TBPL1: variants seen among roughly 807,000 people sequenced by gnomAD.
TBPL1 encodes TATA box-binding protein-like 1.
TBPL1 carries 4 observed loss-of-function variants against 22.1 expected under a neutral mutation model. The observed-to-expected ratio is 0.18, with a 90% confidence interval of 0.09 to 0.41. The LOEUF is 0.41. TBPL1 is among the 10% of genes least tolerant of loss of function. The pLI, the probability that TBPL1 is intolerant of heterozygous loss-of-function variation, is 1.00. For synonymous variants in TBPL1, 64 were observed against 71.0 expected (o/e 0.90, Z 0.50); for missense variants, 115 against 222.3 (o/e 0.52, Z 3.07).
At chr6:133,955,640 G>T (rs1005518070) in intron 1 of TBPL1, among the ~76,000 whole-genome samples, 2 of 152,060 alleles carry the variant, frequency 1.3e-5, no homozygotes, top group Admixed American at 6.5e-5. Context: ...ATTAAAATAA[G>T]GTATATTAAA....
In TBPL1 at chr6:133,953,405, C is replaced by T. The variant is rs1405905953; in HGVS notation, c.-65C>T. The T allele has an allele frequency of 6.5e-6, 1 of 152,942 alleles. No individual in the cohort carries two copies. Among genetic ancestry groups the T allele is most frequent in the African/African-American group, 2.4e-5 (1 of 41,444 alleles). The allele number at this position is 152,942 out of a possible 1,614,324, so 9.5% of individuals were successfully genotyped here. On this transcript the variant is annotated 5_prime_UTR_variant, in exon 1 of 7. Transcript: ENST00000237264. Reference sequence around the variant, plus strand: ...AGCAGCGCTGCCGCCGCGTCCTCAGCCACCGCTCCCTCTTCCCACGGTAAC... The same window carrying T: ...AGCAGCGCTGCCGCCGCGTCCTCAGTCACCGCTCCCTCTTCCCACGGTAAC...
chr6:133,964,369 TA>T (rs1776080575), intron 1 of TBPL1, among the ~76,000 whole-genome samples: 5 of 152,030 alleles, frequency 3.3e-5, no homozygotes. Flanking sequence ...ATGTTTGTTT[TA>T]AGTATATTTT....
chr6:133,985,339 C>CAA (rs1776500434), intron 6 of TBPL1, among the ~76,000 whole-genome samples: 1 of 94,226 alleles, frequency 1.1e-5, no homozygotes, highest in Non-Finnish European at 2.0e-5. Flanking sequence ...TATATATATA[C>CAA]ACACATATAT....
chr6:133,967,463 G>C (rs919959511), intron 1 of TBPL1, among the ~76,000 whole-genome samples: 4 of 152,194 alleles, frequency 2.6e-5, no homozygotes, highest in Admixed American at 6.5e-5. Context: ...TAGTAATATA[G>C]TCATGCATCG....
At chr6:133,984,071 C>G (rs1776464814) in intron 4 of TBPL1, among the ~76,000 whole-genome samples, 1 of 152,090 alleles carries the variant, frequency 6.6e-6, no homozygotes, top group Admixed American at 6.5e-5. Context: ...ACTATTCTCT[C>G]TCCTTTCTCA....
At chr6:133,974,092 A>G (rs1041588454) in intron 1 of TBPL1, among the ~76,000 whole-genome samples, 2 of 151,778 alleles carry the variant, frequency 1.3e-5, no homozygotes, top group Admixed American at 1.3e-4. Context: ...ATGTAAGTGC[A>G]TATGTAGATA....
At position 133,961,349 on chromosome 6, in the gene TBPL1, T is replaced by C. The variant is rs113581232; in HGVS notation, c.-45+7924T>C. Among the ~76,000 whole-genome samples the C allele has an allele frequency of 1.5e-3, 231 of 152,276 alleles. 1 individual carries two copies. The highest frequency in any genetic ancestry group is 5.1e-3 in the African/African-American group (211 of 41,566). On this transcript the variant is annotated intron_variant, in intron 1 of 6. Transcript: ENST00000237264. ...GTGTCTGCAGTTCAGTAGACACTTA[T>C]AACACCAACAGTACCATTCATTTGC...
At chr6:133,959,291 C>T (rs1775979104) in intron 1 of TBPL1, among the ~76,000 whole-genome samples, 1 of 152,186 alleles carries the variant, frequency 6.6e-6, no homozygotes, top group Non-Finnish European at 1.5e-5. Context: ...CTGCCTGTCT[C>T]AGCCTCCCGG....
intron 1 of TBPL1, among the ~76,000 whole-genome samples, chr6:133,973,926 G>A (rs951516381): frequency 1.4e-5 from 2 of 147,706 alleles, no homozygotes; most frequent in Non-Finnish European, 3.0e-5. Context: ...ATCAGAATGG[G>A]AACAACTATT....
chr6:133,962,241 G>C (rs886839170), intron 1 of TBPL1, among the ~76,000 whole-genome samples: 4 of 152,164 alleles, frequency 2.6e-5, no homozygotes, highest in African/African-American at 4.8e-5. Flanking sequence ...CATTCTAAGA[G>C]AGCCAAGAGA....
chr6:133,973,036 AG>A (rs1047765504), intron 1 of TBPL1, among the ~76,000 whole-genome samples: 1 of 152,232 alleles, frequency 6.6e-6, no homozygotes, highest in Non-Finnish European at 1.5e-5. Flanking sequence ...CAGATACGAA[AG>A]AACATCGTTC....
chr6:133,968,558 G>A (rs920385790), intron 1 of TBPL1, among the ~76,000 whole-genome samples: 1 of 152,166 alleles, frequency 6.6e-6, no homozygotes, highest in African/African-American at 2.4e-5. Context: ...AAACAATCAT[G>A]AGAGGTAAAT....
chr6:133,960,738 A>G (rs911057538), intron 1 of TBPL1, among the ~76,000 whole-genome samples: 3 of 152,184 alleles, frequency 2.0e-5, no homozygotes, highest in Non-Finnish European at 2.9e-5. Flanking sequence ...TGAATGGTTG[A>G]TATCTTGGAA....
intron 1 of TBPL1, among the ~76,000 whole-genome samples, chr6:133,954,320 G>A (rs988304016): frequency 1.3e-5 from 2 of 152,200 alleles, no homozygotes; most frequent in Admixed American, 1.3e-4. Context: ...AAGGGAGCAG[G>A]TTTGCGTGTG....
chr6:133,977,019 A>C (rs910902145), intron 1 of TBPL1, among the ~76,000 whole-genome samples: 2 of 151,760 alleles, frequency 1.3e-5, no homozygotes, highest in South Asian at 4.1e-4. Flanking sequence ...GTTTCGTTGG[A>C]CTGTCATTCT....
At chr6:133,983,003 G>GT (rs1776443774) in intron 4 of TBPL1, 123 bp downstream of exon 4, 1 of 898,736 alleles carries the variant, frequency 1.1e-6, no homozygotes, top group African/African-American at 1.7e-5. Flanking sequence ...CTTTTTCTAG[G>GT]TTTTTTAATA....
At chr6:133,960,418 C>CTTTTTTTTTT (rs765884620) in intron 1 of TBPL1, among the ~76,000 whole-genome samples, 3 of 131,592 alleles carry the variant, frequency 2.3e-5, no homozygotes, top group African/African-American at 2.8e-5. Flanking sequence ...GCTGACCAGC[C>CTTTTTTTTTT]TTTTTTTTTT....
intron 6 of TBPL1, 71 bp downstream of exon 6, chr6:133,984,742 G>C: frequency 7.7e-7 from 1 of 1,298,306 alleles, no homozygotes; most frequent in Non-Finnish European, 1.1e-6. Context: ...TACCAAGATA[G>C]AAATAATGTG....
intron 1 of TBPL1, among the ~76,000 whole-genome samples, chr6:133,962,561 T>G (rs1172109044): frequency 6.6e-6 from 1 of 152,202 alleles, no homozygotes; most frequent in Non-Finnish European, 1.5e-5. Context: ...CTTGAGGTGC[T>G]TAATGAGTTT....
Sources: gnomAD v4.1 joint callset for allele counts (sites outside exome capture counted in the v4.1 genomes callset) on GRCh38, gnomAD v4.1.1 for gene constraint, MANE v1.5 for transcripts, NCBI Gene and HGNC (gene_info 2026-07-23, HGNC 2026-07-21) for gene names.